IFT52: variants seen among roughly 807,000 people sequenced by gnomAD.
The protein encoded by IFT52 is intraflagellar transport protein 52 homolog.
IFT52 carries 44 observed loss-of-function variants against 54.4 expected under a neutral mutation model. The ratio of observed to expected loss-of-function variants is 0.81; its 90% CI spans 0.63 to 1.04. The LOEUF (loss-of-function observed/expected upper bound fraction) is 1.04. Among genes scored for constraint, IFT52 ranks in the 50% least tolerant of loss-of-function variants. The pLI is 0.00. For synonymous variants in IFT52, 181 were observed against 185.3 expected, an observed-to-expected ratio of 0.98 and a Z score of 0.19; for missense variants, 452 against 523.6, an observed-to-expected ratio of 0.86 and a Z score of 1.33.
chr20:43,594,073 G>T (rs1378831274), intron 1 of IFT52, among the ~76,000 whole-genome samples: 1 of 152,090 alleles, frequency 6.6e-6, no homozygotes. Flanking sequence ...ACTTTGGGAG[G>T]CCAAGGCAGG....
intron 3 of IFT52, among the ~76,000 whole-genome samples, chr20:43,597,370 T>G (rs1382158525): frequency 3.4e-5 from 1 of 29,580 alleles, no homozygotes; most frequent in South Asian, 1.5e-3. Context: ...AAACTCCATC[T>G]CAAAAAAAAA....
Position 43,642,466 on chromosome 20 carries a change from C to A in IFT52, c.1121-13C>A, listed in dbSNP as rs778949357. 1.4e-5 allele frequency: 22 copies of A among 1,612,820 alleles called. No individual in the cohort carries two copies. The highest frequency in any genetic ancestry group is 4.5e-5 in the East Asian group (2 of 44,884). ...GTTAAGAATTAATCTAACTACTACT[C>A]CAACTGTCTTAGGTACTGAAGAAGA... On this transcript the variant is annotated splice_polypyrimidine_tract_variant and intron_variant, in intron 12 of 13. Transcript: ENST00000373030.
chr20:43,610,047 C>A (rs1251355859), intron 6 of IFT52, among the ~76,000 whole-genome samples: 6 of 151,680 alleles, frequency 4.0e-5, no homozygotes, highest in Admixed American at 3.9e-4. Flanking sequence ...TGCCTGTAAT[C>A]CCAGCATTTT....
rs6030976 is a variant in IFT52, at chr20:43,594,635, T to C, written c.-6-58T>C. ...GTAGTAGAAGGCAACTATTTATTACTTTTAGGGTCTTTGGAATATTGTTTA... is the reference window on the plus strand; with the variant it reads ...GTAGTAGAAGGCAACTATTTATTACCTTTAGGGTCTTTGGAATATTGTTTA... On this transcript the variant is annotated intron_variant, in intron 1 of 13. Coordinates refer to ENST00000373030, the MANE Select transcript of IFT52 (RefSeq NM_016004.5). The C allele has an allele frequency of 1.6e-4, 148 of 953,758 alleles. No homozygotes were observed. In the African/African-American group the frequency reaches 2.0e-3, roughly 13 times the overall value. 59.1% of individuals were successfully genotyped at this position (953,758 alleles called of 1,614,324 possible).
chr20:43,604,029 T>C, intron 4 of IFT52, 140 bp downstream of exon 4: 2 of 913,532 alleles, frequency 2.2e-6, no homozygotes, highest in Non-Finnish European at 3.4e-6. Context: ...TCATCAGCAG[T>C]CTGAGCCTCC....
chr20:43,627,649 T>C (rs1246059038), intron 10 of IFT52, among the ~76,000 whole-genome samples: 1 of 152,074 alleles, frequency 6.6e-6, no homozygotes, highest in East Asian at 1.9e-4. Context: ...AAATGGATAA[T>C]GTAGGAGAGA....
intron 6 of IFT52, among the ~76,000 whole-genome samples, chr20:43,608,888 A>T (rs1299339219): frequency 6.6e-6 from 1 of 152,170 alleles, no homozygotes; most frequent in East Asian, 1.9e-4. Context: ...AGCCTGGGTG[A>T]CAGATGAGAC....
chr20:43,611,036 G>A (rs188145525), intron 6 of IFT52, among the ~76,000 whole-genome samples: 4 of 152,188 alleles, frequency 2.6e-5, no homozygotes, highest in Admixed American at 1.3e-4. Context: ...TTGTTGTTGC[G>A]TTATGACTTT....
chr20:43,641,675 T>G (rs1246363443), intron 12 of IFT52, among the ~76,000 whole-genome samples: 1 of 150,814 alleles, frequency 6.6e-6, no homozygotes, highest in Admixed American at 6.6e-5. Context: ...TTTGTATTTT[T>G]AGTAGAGACA....
chr20:43,617,569 G>A (rs1356654460), intron 7 of IFT52, among the ~76,000 whole-genome samples: 1 of 151,868 alleles, frequency 6.6e-6, no homozygotes, highest in Non-Finnish European at 1.5e-5. Context: ...TCAGCTTCCT[G>A]AGTAGTTGGG....
intron 3 of IFT52, among the ~76,000 whole-genome samples, chr20:43,597,049 C>T (rs1251807375): frequency 6.6e-6 from 1 of 150,900 alleles, no homozygotes; most frequent in Non-Finnish European, 1.5e-5. Flanking sequence ...CCAGTAGCCA[C>T]ATTTCTTTGC....
chr20:43,605,193 G>C, intron 6 of IFT52, 120 bp downstream of exon 6: 1 of 1,482,036 alleles, frequency 6.7e-7, no homozygotes, highest in Non-Finnish European at 8.9e-7. Flanking sequence ...CAGTTCAAGA[G>C]GAAAAAAGTA....
chr20:43,592,339 G>GAA (rs560872576), intron 1 of IFT52, among the ~76,000 whole-genome samples: 1 of 145,488 alleles, frequency 6.9e-6, no homozygotes, highest in African/African-American at 2.5e-5. Flanking sequence ...GAAAAAGAAG[G>GAA]AAAAAAAAAA....
intron 1 of IFT52, 109 bp downstream of exon 1, chr20:43,591,163 A>T (rs1180626405): frequency 1.3e-5 from 2 of 152,298 alleles, no homozygotes; most frequent in Non-Finnish European, 2.9e-5. Context: ...TAGAACATCC[A>T]GGGTCCCCCG....
At chr20:43,638,101 T>C (rs1985666110) in intron 12 of IFT52, among the ~76,000 whole-genome samples, 1 of 152,092 alleles carries the variant, frequency 6.6e-6, no homozygotes, top group South Asian at 2.1e-4. Context: ...ACACAGCAAA[T>C]GGGTCTGCAC....
At chr20:43,616,606 A>G (rs1983878314) in intron 7 of IFT52, among the ~76,000 whole-genome samples, 2 of 151,986 alleles carry the variant, frequency 1.3e-5, no homozygotes, top group South Asian at 4.1e-4. Context: ...AAATTCCCCC[A>G]TCGCACTACT....
intron 6 of IFT52, among the ~76,000 whole-genome samples, chr20:43,610,258 C>G (rs866763067): frequency 2.9e-4 from 41 of 142,680 alleles, no homozygotes; most frequent in African/African-American, 9.4e-4. Flanking sequence ...CATCACTGCA[C>G]TCCAGCCTGG....
intron 3 of IFT52, among the ~76,000 whole-genome samples, chr20:43,600,528 T>A (rs566149661): frequency 1.2e-3 from 190 of 152,180 alleles, no homozygotes; most frequent in Non-Finnish European, 1.5e-3. Flanking sequence ...GTGATCTCGA[T>A]CTCCTGGCCT....
chr20:43,613,380 C>T (rs1983604711), intron 6 of IFT52, among the ~76,000 whole-genome samples: 1 of 152,196 alleles, frequency 6.6e-6, no homozygotes, highest in South Asian at 2.1e-4. Flanking sequence ...TGTTAATTTA[C>T]TTTCATGTTT....
Sources: gnomAD v4.1 joint callset for allele counts (sites outside exome capture counted in the v4.1 genomes callset) on GRCh38, gnomAD v4.1.1 for gene constraint, MANE v1.5 for transcripts, NCBI Gene and HGNC (gene_info 2026-07-23, HGNC 2026-07-21) for gene names.